ADK: variants seen among roughly 807,000 people sequenced by gnomAD.
The protein encoded by ADK is adenosine kinase.
ADK carries 24 observed loss-of-function variants against 44.7 expected under a neutral mutation model. The ratio of observed to expected loss-of-function variants is 0.54; its 90% CI spans 0.39 to 0.76. The LOEUF (loss-of-function observed/expected upper bound fraction) is 0.76. ADK is among the 30% of genes least tolerant of loss of function. The pLI, the probability that ADK is intolerant of heterozygous loss-of-function variation, is 0.00. For missense variants in ADK, 321 were observed against 425.1 expected (o/e 0.76, Z 2.15); for synonymous variants, 128 against 142.6 (o/e 0.90, Z 0.73).
At chr10:74,303,271 A>C (rs553274499) in intron 3 of ADK, among the ~76,000 whole-genome samples, 336 of 152,296 alleles carry the variant, frequency 2.2e-3, no homozygotes, top group Non-Finnish European at 3.7e-3. Context: ...ATTGAACGCT[A>C]GTCTATATTT....
At chr10:74,463,320 T>C (rs1379281478) in intron 6 of ADK, among the ~76,000 whole-genome samples, 1 of 152,182 alleles carries the variant, frequency 6.6e-6, no homozygotes, top group African/African-American at 2.4e-5. Context: ...CAACTCACCA[T>C]AATGTAGAAT....
At chr10:74,474,685 T>G (rs1363244816) in intron 6 of ADK, among the ~76,000 whole-genome samples, 1 of 151,842 alleles carries the variant, frequency 6.6e-6, no homozygotes, top group Non-Finnish European at 1.5e-5. Context: ...TGGGGGTGTG[T>G]GTGTGTGTTT....
chr10:74,638,526 A>C (rs1276672267), intron 9 of ADK, among the ~76,000 whole-genome samples: 1 of 152,136 alleles, frequency 6.6e-6, no homozygotes, highest in African/African-American at 2.4e-5. Context: ...GCATGGTGGC[A>C]CACGCCTGTA....
chr10:74,554,365 A>G (rs888173268), intron 7 of ADK, among the ~76,000 whole-genome samples: 4 of 152,116 alleles, frequency 2.6e-5, no homozygotes, highest in African/African-American at 9.7e-5. Flanking sequence ...TTCCTTTCAT[A>G]TATCCCTTAT....
chr10:74,688,499 A>G (rs1311407376), intron 10 of ADK, among the ~76,000 whole-genome samples: 1 of 152,218 alleles, frequency 6.6e-6, no homozygotes, highest in Non-Finnish European at 1.5e-5. Context: ...ACCATCAAGT[A>G]AAGACCATTT....
chr10:74,437,272 GT>G (rs1462701382), intron 6 of ADK, among the ~76,000 whole-genome samples: 1 of 151,986 alleles, frequency 6.6e-6, no homozygotes, highest in Middle Eastern at 3.2e-3. Flanking sequence ...ATTGTCATAG[GT>G]TTCTTAGTTA....
chr10:74,511,675 A>T (rs1375144887), intron 6 of ADK, among the ~76,000 whole-genome samples: 1 of 152,182 alleles, frequency 6.6e-6, no homozygotes, highest in Non-Finnish European at 1.5e-5. Context: ...TATGGAATTC[A>T]TTTATCAGTT....
At chr10:74,283,253 CTG>C (rs1847016602) in intron 3 of ADK, among the ~76,000 whole-genome samples, 1 of 151,970 alleles carries the variant, frequency 6.6e-6, no homozygotes, top group African/African-American at 2.4e-5. Flanking sequence ...ATTTGATCAA[CTG>C]TTTTTTAGGA....
At chr10:74,578,031 A>G (rs1374847763) in intron 7 of ADK, among the ~76,000 whole-genome samples, 1 of 152,096 alleles carries the variant, frequency 6.6e-6, no homozygotes, top group African/African-American at 2.4e-5. Flanking sequence ...GTAGCCCTGG[A>G]GGATGAGACT....
intron 3 of ADK, among the ~76,000 whole-genome samples, chr10:74,309,809 G>A (rs887011264): frequency 3.3e-5 from 5 of 152,012 alleles, no homozygotes; most frequent in Non-Finnish European, 7.4e-5. Context: ...TGAATTTATT[G>A]ATCATTTTGT....
At chr10:74,297,623 G>A (rs1206136139) in intron 3 of ADK, among the ~76,000 whole-genome samples, 1 of 152,178 alleles carries the variant, frequency 6.6e-6, no homozygotes, top group Non-Finnish European at 1.5e-5. Flanking sequence ...CAAACTATGA[G>A]CTGTGGGCTA....
intron 7 of ADK, among the ~76,000 whole-genome samples, chr10:74,540,078 G>T (rs1274253203): frequency 6.6e-6 from 1 of 152,096 alleles, no homozygotes; most frequent in African/African-American, 2.4e-5. Context: ...AAGATGAAAT[G>T]CTTTTAAATC....
At chr10:74,429,969 G>T (rs1366650214) in intron 6 of ADK, among the ~76,000 whole-genome samples, 1 of 152,106 alleles carries the variant, frequency 6.6e-6, no homozygotes, top group African/African-American at 2.4e-5. Context: ...ACCATTCTAA[G>T]ATCTTTACAT....
At chr10:74,463,134 G>A (rs889229719) in intron 6 of ADK, among the ~76,000 whole-genome samples, 1 of 151,822 alleles carries the variant, frequency 6.6e-6, no homozygotes, top group African/African-American at 2.4e-5. Flanking sequence ...AGATTCACCA[G>A]TGTTTTATAC....
intron 10 of ADK, among the ~76,000 whole-genome samples, chr10:74,686,039 G>A (rs1003882323): frequency 1.3e-5 from 2 of 152,114 alleles, no homozygotes; most frequent in African/African-American, 4.8e-5. Context: ...CCGACTCGCT[G>A]CAAGCTCCGC....
At chr10:74,467,409 G>T (rs1326762761) in intron 6 of ADK, among the ~76,000 whole-genome samples, 1 of 152,100 alleles carries the variant, frequency 6.6e-6, no homozygotes, top group Non-Finnish European at 1.5e-5. Context: ...ATATGTTAAC[G>T]TGAAGTTATA....
intron 1 of ADK, among the ~76,000 whole-genome samples, chr10:74,160,012 C>A (rs1418682372): frequency 6.6e-6 from 1 of 152,168 alleles, no homozygotes; most frequent in Non-Finnish European, 1.5e-5. Flanking sequence ...TTCTCAACTC[C>A]AAGCCAAAAT....
At chr10:74,319,659 A>G (rs1000926799) in intron 4 of ADK, among the ~76,000 whole-genome samples, 1 of 152,122 alleles carries the variant, frequency 6.6e-6, no homozygotes, top group Admixed American at 6.6e-5. Flanking sequence ...GTGTTTTTAA[A>G]TTTTTGTGTC....
chr10:74,341,833 A>G (rs1841592207), intron 4 of ADK, among the ~76,000 whole-genome samples: 1 of 152,228 alleles, frequency 6.6e-6, no homozygotes, highest in Non-Finnish European at 1.5e-5. Context: ...CAAAACCAGC[A>G]TGCTCAAATT....
Sources: gnomAD v4.1 joint callset for allele counts (sites outside exome capture counted in the v4.1 genomes callset) on GRCh38, gnomAD v4.1.1 for gene constraint, MANE v1.5 for transcripts, NCBI Gene and HGNC (gene_info 2026-07-23, HGNC 2026-07-21) for gene names.